MAST4: variants seen among roughly 807,000 people sequenced by gnomAD.
The protein encoded by MAST4 is microtubule associated serine/threonine kinase family member 4.
Under a neutral mutation model 162.7 loss-of-function variants are expected in MAST4, and 89 were observed. The ratio of observed to expected loss-of-function variants is 0.55; its 90% CI spans 0.46 to 0.65. The LOEUF is 0.65. MAST4 is among the 30% of genes least tolerant of loss of function. The probability of loss-of-function intolerance (pLI) is 0.00; values close to 1 mark genes in which losing one functional copy is unlikely to be tolerated. For synonymous variants in MAST4, 1,479 were observed against 1,361.1 expected (o/e 1.09, Z -1.91); for missense variants, 3,153 against 3,374.0 (o/e 0.93, Z 1.62).
intron 7 of MAST4, 27 bp from the exon 8 acceptor site, chr5:67,100,408 A>T: frequency 3.1e-6 from 5 of 1,612,918 alleles, no homozygotes; most frequent in Non-Finnish European, 4.2e-6. Context: ...TGAGGTAGTT[A>T]TGTGACCTCA....
intron 2 of MAST4, among the ~76,000 whole-genome samples, chr5:66,767,193 G>A (rs1754140931): frequency 6.6e-6 from 1 of 151,266 alleles, no homozygotes; most frequent in Non-Finnish European, 1.5e-5. Flanking sequence ...GTGTGTGTGT[G>A]TGTGTGTGTG....
chr5:67,120,366 G>C (rs1228538577), intron 13 of MAST4, among the ~76,000 whole-genome samples: 1 of 152,222 alleles, frequency 6.6e-6, no homozygotes, highest in Non-Finnish European at 1.5e-5. Context: ...GCAGAGGGGA[G>C]CAAAGAGCTG....
intron 3 of MAST4, among the ~76,000 whole-genome samples, chr5:66,867,969 A>G (rs1314847925): frequency 2.0e-5 from 3 of 152,216 alleles, no homozygotes; most frequent in South Asian, 2.1e-4. Context: ...AGAACTTAGA[A>G]TTTGGGAAAA....
At chr5:66,644,084 G>A (rs1385043501) in intron 1 of MAST4, among the ~76,000 whole-genome samples, 2 of 151,646 alleles carry the variant, frequency 1.3e-5, no homozygotes, top group African/African-American at 2.4e-5. Flanking sequence ...AGTACCTACT[G>A]TATTTTAGTA....
At chr5:66,919,843 G>T (rs1213838579) in intron 4 of MAST4, among the ~76,000 whole-genome samples, 2 of 151,936 alleles carry the variant, frequency 1.3e-5, no homozygotes, top group African/African-American at 4.8e-5. Flanking sequence ...GCAGAATTTT[G>T]TTGGAACATT....
chr5:66,605,183 A>T (rs1742804764), intron 1 of MAST4, among the ~76,000 whole-genome samples: 1 of 152,204 alleles, frequency 6.6e-6, no homozygotes, highest in Non-Finnish European at 1.5e-5. Flanking sequence ...AAATAACCTG[A>T]GCCCTCACCT....
intron 3 of MAST4, among the ~76,000 whole-genome samples, chr5:66,810,557 T>G (rs1332669487): frequency 1.3e-5 from 2 of 152,196 alleles, no homozygotes; most frequent in South Asian, 4.1e-4. Flanking sequence ...GGGAAATTTA[T>G]TCTAGCTGTG....
At chr5:66,893,382 T>TTG (rs397829231) in intron 3 of MAST4, among the ~76,000 whole-genome samples, 32,109 of 149,948 alleles carry the variant, frequency 0.21, 3,551 homozygotes, top group Admixed American at 0.26. Context: ...ATTTTTTTTT[T>TTG]TGTGTGTGTG....
At chr5:67,082,574 A>T (rs1240847286) in intron 5 of MAST4, among the ~76,000 whole-genome samples, 1 of 152,240 alleles carries the variant, frequency 6.6e-6, no homozygotes, top group Non-Finnish European at 1.5e-5. Flanking sequence ...AGAGAAGAGA[A>T]TAGCTCTAAA....
intron 2 of MAST4, among the ~76,000 whole-genome samples, chr5:66,782,289 CAA>C (rs573328157): frequency 3.2e-4 from 30 of 92,628 alleles, no homozygotes; most frequent in Middle Eastern, 5.6e-3. Context: ...GACTTCGTCT[CAA>C]AAAAAAAAAA....
intron 3 of MAST4, chr5:66,870,751 C>T: frequency 2.1e-6 from 1 of 471,114 alleles, no homozygotes; most frequent in Non-Finnish European, 4.4e-6. Context: ...ACCTCTCGTT[C>T]ACTCCCCATC....
chr5:66,823,600 C>T (rs1757097778), intron 3 of MAST4, among the ~76,000 whole-genome samples: 1 of 152,122 alleles, frequency 6.6e-6, no homozygotes, highest in African/African-American at 2.4e-5. Context: ...GCCTCAGCCT[C>T]CTGAGTAGCT....
rs566167548 is a variant in MAST4 at position 66,926,660 on chromosome 5, A to G, written c.674+26678A>G. Reference sequence around the variant, plus strand: ...TATATATATGTGTATATGTATATATATGTGTGTGTGTATATATATATATTT... The same window carrying G: ...TATATATATGTGTATATGTATATATGTGTGTGTGTGTATATATATATATTT... On this transcript the variant is annotated intron_variant, in intron 4 of 28. Transcript: ENST00000403625. 1.7e-3 allele frequency among the ~76,000 whole-genome samples: 255 copies of G among 151,478 alleles called. 2 individuals are homozygous for G. The highest frequency in any genetic ancestry group is 5.9e-3 in the African/African-American group (244 of 41,200).
At chr5:66,686,134 A>G (rs1215160883) in intron 1 of MAST4, among the ~76,000 whole-genome samples, 2 of 152,164 alleles carry the variant, frequency 1.3e-5, no homozygotes, top group African/African-American at 4.8e-5. Flanking sequence ...CACCACCCAG[A>G]TTAAAATCTT....
intron 3 of MAST4, among the ~76,000 whole-genome samples, chr5:66,868,569 C>T (rs1459814622): frequency 6.6e-6 from 1 of 150,530 alleles, no homozygotes; most frequent in Non-Finnish European, 1.5e-5. Context: ...GTATCAGTCA[C>T]ATGGAGAAAA....
chr5:67,122,307 A>AT (rs1767688777), intron 14 of MAST4, among the ~76,000 whole-genome samples: 1 of 152,082 alleles, frequency 6.6e-6, no homozygotes, highest in Non-Finnish European at 1.5e-5. Flanking sequence ...TTCTGTTACC[A>AT]TTTTTTCACC....
intron 1 of MAST4, among the ~76,000 whole-genome samples, chr5:66,727,382 C>T (rs1469950741): frequency 1.3e-5 from 2 of 152,172 alleles, no homozygotes; most frequent in African/African-American, 4.8e-5. Flanking sequence ...ACTAATGGGT[C>T]AAGACCCACG....
rs114851430 is a variant in MAST4, at chr5:66,740,979, A to T, written c.364-18730A>T. On this transcript the variant is annotated intron_variant, in intron 1 of 28. Coordinates refer to ENST00000403625, the MANE Select transcript of MAST4 (RefSeq NM_001164664.2). The stretch of plus-strand genomic sequence containing the variant: ...AAAGATCAAATGAGATAATGTTCTG[A>T]AAACACTTAAGATGGTGCCTGGCCT... Among the ~76,000 whole-genome samples, 892 of 152,330 alleles carry T rather than the reference A, an allele frequency of 5.9e-3. 15 individuals carry two copies. Among genetic ancestry groups the T allele is most frequent in the South Asian group, 0.012 (58 of 4,826 alleles).
At chr5:66,866,821 C>A (rs1174595659) in intron 3 of MAST4, among the ~76,000 whole-genome samples, 1 of 152,226 alleles carries the variant, frequency 6.6e-6, no homozygotes, top group African/African-American at 2.4e-5. Flanking sequence ...GTGATCACGG[C>A]TCACTGCAGC....
Sources: gnomAD v4.1 joint callset for allele counts (sites outside exome capture counted in the v4.1 genomes callset) on GRCh38, gnomAD v4.1.1 for gene constraint, MANE v1.5 for transcripts, NCBI Gene and HGNC (gene_info 2026-07-23, HGNC 2026-07-21) for gene names.